Variants in MTG1 observed in about 807,000 individuals in gnomAD.
MTG1 encodes the protein mitochondrial ribosome-associated GTPase 1.
MTG1 carries 30 observed loss-of-function variants against 39.5 expected under a neutral mutation model. The ratio of observed to expected loss-of-function variants is 0.76; its 90% CI spans 0.57 to 1.03. The LOEUF is 1.03. MTG1 is among the 50% of genes least tolerant of loss of function. The pLI, the probability that MTG1 is intolerant of heterozygous loss-of-function variation, is 0.00. For synonymous variants in MTG1, 217 were observed against 179.0 expected, an observed-to-expected ratio of 1.21 and a Z score of -1.69; for missense variants, 513 against 447.4, an observed-to-expected ratio of 1.15 and a Z score of -1.32.
intron 9 of MTG1, among the ~76,000 whole-genome samples, chr10:133,411,456 A>G (rs7921501): frequency 0.26 from 39,064 of 151,908 alleles, 5,384 homozygotes; most frequent in Admixed American, 0.32. Flanking sequence ...GTGATCTCTG[A>G]CCTCCCTGTA....
At chr10:133,404,346 T>G (rs1046117589) in intron 9 of MTG1, among the ~76,000 whole-genome samples, 3 of 152,068 alleles carry the variant, frequency 2.0e-5, no homozygotes, top group Admixed American at 2.0e-4. Flanking sequence ...AGGCTGGTCT[T>G]GAACTCCTGG....
rs574744294 is a variant in MTG1, at chr10:133,414,306, T to C, written c.753-5174T>C. ...ACAGAACAAAATGAAAAGTCTCCCATGTCTACTTCTTTCTACACAGACACG... is the reference window on the plus strand; with the variant it reads ...ACAGAACAAAATGAAAAGTCTCCCACGTCTACTTCTTTCTACACAGACACG... On this transcript the variant is annotated intron_variant, in intron 9 of 10. Transcript: ENST00000317502. Among the ~76,000 whole-genome samples the C allele has an allele frequency of 5.3e-5, 8 of 151,780 alleles. No individual in the cohort carries two copies. The East Asian group carries it at 1.5e-3, about 29-fold the overall frequency.
chr10:133,415,627 T>C (rs1850113413), intron 9 of MTG1, among the ~76,000 whole-genome samples: 1 of 152,230 alleles, frequency 6.6e-6, no homozygotes, highest in Admixed American at 6.5e-5. Context: ...CCTCTGCTGC[T>C]TCCAGGATTT....
intron 9 of MTG1, among the ~76,000 whole-genome samples, chr10:133,406,036 G>T (rs1849965627): frequency 6.6e-6 from 1 of 152,202 alleles, no homozygotes; most frequent in Admixed American, 6.5e-5. Flanking sequence ...ATTTTAACTA[G>T]GGTGAGATGA....
intron 3 of MTG1, among the ~76,000 whole-genome samples, chr10:133,396,775 A>G (rs1184518394): frequency 6.6e-6 from 1 of 152,166 alleles, no homozygotes. Context: ...CCATACAGAG[A>G]TAGGAGCTGA....
chr10:133,419,984 G>A (rs377483322), intron 10 of MTG1, 42 bp from the exon 11 acceptor site: 12 of 1,574,876 alleles, frequency 7.6e-6, no homozygotes, highest in Middle Eastern at 1.7e-4. Context: ...GGCCTGTCCT[G>A]CTGTGAAGGC....
intron 9 of MTG1, among the ~76,000 whole-genome samples, chr10:133,418,612 G>A (rs1401814176): frequency 6.6e-6 from 1 of 152,002 alleles, no homozygotes; most frequent in African/African-American, 2.4e-5. Context: ...GCTCCTATGG[G>A]CTCTGAGCTC....
Position 133,402,837 on chromosome 10 carries a change from A to G in MTG1, c.752+64A>G. On this transcript the variant is annotated intron_variant, in intron 9 of 10. Transcript: ENST00000317502. The surrounding 1 kb of genome is among the most constrained non-coding windows in gnomAD (Gnocchi z 4.7). ...CCTAGTCACCTCATTTAAAAAAAAAAAACAAACAAAAAAACCCCCAGCATT... is the reference window on the plus strand; with the variant it reads ...CCTAGTCACCTCATTTAAAAAAAAAGAACAAACAAAAAAACCCCCAGCATT... The G allele has an allele frequency of 8.0e-7, 1 of 1,249,074 alleles. No homozygotes were observed. Among genetic ancestry groups the G allele is most frequent in the South Asian group, 1.4e-5 (1 of 72,148 alleles). The allele number at this position is 1,249,074 out of a possible 1,614,324, so 77.4% of individuals were successfully genotyped here.
intron 5 of MTG1, 56 bp downstream of exon 5, chr10:133,399,282 C>T: frequency 6.3e-7 from 1 of 1,589,344 alleles, no homozygotes; most frequent in Non-Finnish European, 8.6e-7. Context: ...ATGGGCCAGC[C>T]CCTCCTGCCT....
In MTG1 at chr10:133,402,662, C is replaced by T. The variant is rs1300631913; in HGVS notation, c.671-30C>T. The T allele has an allele frequency of 6.4e-7, 1 of 1,574,392 alleles. No homozygotes were observed. The highest frequency in any genetic ancestry group is 1.3e-5 in the African/African-American group (1 of 74,224). On this transcript the variant is annotated intron_variant, in intron 8 of 10. Transcript: ENST00000317502. The surrounding 1 kb of genome is among the most constrained non-coding windows in gnomAD (Gnocchi z 4.7). Reference sequence around the variant, plus strand: ...GCAGGAACATAGATGTGGCTGTTTCCAGTGCTCACCTCGGCTGCTGCTTCC... The same window carrying T: ...GCAGGAACATAGATGTGGCTGTTTCTAGTGCTCACCTCGGCTGCTGCTTCC...
rs1163360023 is a variant in MTG1 at position 133,421,230 on chromosome 10, T to A, written c.*1065T>A. On this transcript the variant is annotated 3_prime_UTR_variant, in exon 11 of 11. Transcript: ENST00000317502. ...AGTTAGCCCCTGAGTGCCACCTGCA[T>A]CGTGCCATAACCCTGACCGCCTGGG... 6.5e-6 allele frequency: 1 copy of A among 152,756 alleles called. No homozygotes were observed. The highest frequency in any genetic ancestry group is 2.4e-5 in the African/African-American group (1 of 41,444). 9.5% of individuals were successfully genotyped at this position (152,756 alleles called of 1,614,324 possible).
In MTG1 at chr10:133,404,697, C is replaced by T. The variant is rs899688257; in HGVS notation, c.752+1924C>T. 2.0e-5 allele frequency among the ~76,000 whole-genome samples: 3 copies of T among 152,034 alleles called. No homozygotes were observed. The East Asian group carries it at 5.8e-4, about 29-fold the overall frequency. ...TAGGTTTTACATTTAGGGCTATGAT[C>T]CTTTCTGATTTTTTGGTATATGGTA... On this transcript the variant is annotated intron_variant, in intron 9 of 10. Transcript: ENST00000317502.
Position 133,401,506 on chromosome 10 carries a change from C to T in MTG1, c.512-23C>T, listed in dbSNP as rs368536647. The T allele has an allele frequency of 3.4e-4, 527 of 1,542,234 alleles. 1 individual carries two copies. Among genetic ancestry groups the T allele is most frequent in the South Asian group, 1.0e-3 (81 of 78,924 alleles). On this transcript the variant is annotated intron_variant, in intron 6 of 10. Transcript: ENST00000317502. ...TTCTGTGTTTAGTATACATTTGAGCCTCCTTTTCTCCTTTTCCTACAGGGA... is the reference window on the plus strand; with the variant it reads ...TTCTGTGTTTAGTATACATTTGAGCTTCCTTTTCTCCTTTTCCTACAGGGA...
intron 3 of MTG1, among the ~76,000 whole-genome samples, chr10:133,397,900 G>A (rs1256978581): frequency 6.6e-6 from 1 of 151,918 alleles, no homozygotes; most frequent in Non-Finnish European, 1.5e-5. Flanking sequence ...TGGCCGTCTA[G>A]TATAGGGCAC....
chr10:133,399,337 C>T, intron 5 of MTG1, 111 bp downstream of exon 5: 1 of 1,324,828 alleles, frequency 7.5e-7, no homozygotes, highest in Non-Finnish European at 1.1e-6. Flanking sequence ...AGGGAGGCCC[C>T]TCCTTTGTCC....
At chr10:133,394,849 GC>G (rs1236677439) in intron 1 of MTG1, 1 of 639,874 alleles carries the variant, frequency 1.6e-6, no homozygotes, top group African/African-American at 2.0e-5. Flanking sequence ...GGCCAGCCCA[GC>G]CCGTCTAGGT....
At chr10:133,418,895 G>T (rs1048253996) in intron 9 of MTG1, among the ~76,000 whole-genome samples, 1 of 152,222 alleles carries the variant, frequency 6.6e-6, no homozygotes, top group Non-Finnish European at 1.5e-5. Flanking sequence ...GCACTGTGAG[G>T]AGTCAGAGTG....
At chr10:133,409,077 A>G (rs1850008725) in intron 9 of MTG1, among the ~76,000 whole-genome samples, 1 of 149,242 alleles carries the variant, frequency 6.7e-6, no homozygotes, top group East Asian at 2.0e-4. Flanking sequence ...CTCTTCTTCT[A>G]CTAATTTTGG....
intron 3 of MTG1, among the ~76,000 whole-genome samples, chr10:133,397,996 C>T (rs1849814095): frequency 6.6e-6 from 1 of 152,248 alleles, no homozygotes; most frequent in African/African-American, 2.4e-5. Context: ...GCCCTGCCTT[C>T]TGCCTCCCTG....
Sources: allele counts gnomAD v4.1 joint callset (sites outside exome capture counted in the v4.1 genomes callset), GRCh38; gene constraint gnomAD v4.1.1; non-coding constraint Gnocchi (gnomAD v3.1); transcripts MANE v1.5; gene names NCBI Gene and HGNC (gene_info 2026-07-23, HGNC 2026-07-21).